Variants in CCDC192 observed in about 807,000 individuals in gnomAD.
The protein encoded by CCDC192 is coiled-coil domain-containing protein 192.
chr5:127,716,286 T>A (rs766627861), intron 2 of CCDC192, among the ~76,000 whole-genome samples: 4 of 152,180 alleles, frequency 2.6e-5, no homozygotes, highest in Non-Finnish European at 5.9e-5. Flanking sequence ...TTGGATTGGA[T>A]TTGCTAGCAT....
intron 5 of CCDC192, among the ~76,000 whole-genome samples, chr5:127,833,013 C>T (rs1394826054): frequency 6.6e-5 from 10 of 152,094 alleles, no homozygotes; most frequent in African/African-American, 9.7e-5. Flanking sequence ...AAAATTTAAT[C>T]GTGGCCACAT....
intron 6 of CCDC192, among the ~76,000 whole-genome samples, chr5:127,938,649 C>T (rs1043718147): frequency 2.6e-5 from 4 of 152,196 alleles, no homozygotes; most frequent in African/African-American, 9.7e-5. Flanking sequence ...ACAATGTATT[C>T]TAAATATTAT....
At chr5:127,765,656 A>G (rs908477265) in intron 3 of CCDC192, among the ~76,000 whole-genome samples, 4 of 152,240 alleles carry the variant, frequency 2.6e-5, no homozygotes, top group African/African-American at 7.2e-5. Context: ...GTTGGAAACC[A>G]CCATTACATA....
At chr5:127,927,108 G>A (rs768221022) in intron 6 of CCDC192, among the ~76,000 whole-genome samples, 3 of 152,064 alleles carry the variant, frequency 2.0e-5, no homozygotes, top group Non-Finnish European at 2.9e-5. Flanking sequence ...ATTGTAATAC[G>A]TTGACATGAG....
At chr5:127,724,381 T>A (rs1752191948) in intron 2 of CCDC192, among the ~76,000 whole-genome samples, 1 of 152,168 alleles carries the variant, frequency 6.6e-6, no homozygotes. Context: ...ATGTTTTTCT[T>A]CCAAATTATA....
intron 6 of CCDC192, among the ~76,000 whole-genome samples, chr5:127,928,127 C>T (rs922209517): frequency 6.6e-6 from 1 of 151,784 alleles, no homozygotes; most frequent in Non-Finnish European, 1.5e-5. Context: ...GGGGTTTTAC[C>T]ATGTTGGCCA....
At chr5:127,899,485 C>T (rs1480332651) in intron 6 of CCDC192, among the ~76,000 whole-genome samples, 1 of 151,280 alleles carries the variant, frequency 6.6e-6, no homozygotes, top group Non-Finnish European at 1.5e-5. Context: ...GCCAGAGGGC[C>T]TGCTCCTGAA....
intron 5 of CCDC192, among the ~76,000 whole-genome samples, chr5:127,858,940 A>G (rs1226452809): frequency 6.6e-6 from 1 of 152,232 alleles, no homozygotes; most frequent in Non-Finnish European, 1.5e-5. Flanking sequence ...GTGCTTATAA[A>G]AAAAAACACT....
intron 3 of CCDC192, among the ~76,000 whole-genome samples, chr5:127,776,157 A>G (rs956317040): frequency 1.3e-5 from 2 of 152,254 alleles, no homozygotes; most frequent in African/African-American, 2.4e-5. Flanking sequence ...AAATGTGAGA[A>G]AGTTTAGAAC....
chr5:127,797,656 T>A (rs1212273691), intron 4 of CCDC192, among the ~76,000 whole-genome samples: 1 of 149,736 alleles, frequency 6.7e-6, no homozygotes, highest in African/African-American at 2.4e-5. Flanking sequence ...AAAATATATA[T>A]CATTATGTAA....
intron 5 of CCDC192, among the ~76,000 whole-genome samples, chr5:127,834,285 T>C (rs1261882219): frequency 6.6e-6 from 1 of 152,240 alleles, no homozygotes; most frequent in Non-Finnish European, 1.5e-5. Flanking sequence ...CCTTTCCCTT[T>C]GTCTCATCAC....
intron 2 of CCDC192, among the ~76,000 whole-genome samples, chr5:127,751,258 G>A (rs12523504): frequency 2.6e-5 from 4 of 152,072 alleles, no homozygotes; most frequent in Admixed American, 2.0e-4. Flanking sequence ...GGTACCAGTT[G>A]TTCCTTTCCA....
chr5:127,890,817 C>G (rs1371285833), intron 6 of CCDC192, among the ~76,000 whole-genome samples: 1 of 152,206 alleles, frequency 6.6e-6, no homozygotes, highest in Non-Finnish European at 1.5e-5. Context: ...TTCCCTGTCT[C>G]CATCATTTGC....
intron 6 of CCDC192, among the ~76,000 whole-genome samples, chr5:127,884,292 G>A (rs976904516): frequency 1.5e-5 from 2 of 129,290 alleles, no homozygotes; most frequent in East Asian, 2.5e-4. Context: ...GCAGTGAGGC[G>A]AGATTGTGCC....
chr5:127,789,986 AT>A (rs1261905550), intron 3 of CCDC192, among the ~76,000 whole-genome samples: 1 of 152,116 alleles, frequency 6.6e-6, no homozygotes, highest in Non-Finnish European at 1.5e-5. Flanking sequence ...TGGGGGAGAG[AT>A]CACCATTCTG....
intron 5 of CCDC192, among the ~76,000 whole-genome samples, chr5:127,840,392 GT>G (rs1304985901): frequency 1.3e-5 from 2 of 152,170 alleles, no homozygotes; most frequent in Non-Finnish European, 2.9e-5. Flanking sequence ...GAGCCCTGTA[GT>G]TGCATGGGTG....
At chr5:127,804,021 G>A (rs892713061) in intron 5 of CCDC192, among the ~76,000 whole-genome samples, 2 of 152,138 alleles carry the variant, frequency 1.3e-5, no homozygotes, top group Non-Finnish European at 2.9e-5. Context: ...AGGAACTCAG[G>A]GCATGGGAGG....
intron 6 of CCDC192, among the ~76,000 whole-genome samples, chr5:127,918,050 ACGT>A (rs1460864706): frequency 6.6e-6 from 1 of 151,994 alleles, no homozygotes; most frequent in Non-Finnish European, 1.5e-5. Flanking sequence ...TGGGAGGATC[ACGT>A]GAGTCCAGGA....
chr5:127,727,164 G>C lies in CCDC192; in HGVS notation c.114+19404G>C, dbSNP rs181293803. On this transcript the variant is annotated intron_variant, in intron 2 of 6. Transcript: ENST00000514853. ...CAAACCATAGCAACCCTACGGAAGA[G>C]GGGCCTGACTGTTAAAAGAAAAACA... 6.6e-5 allele frequency among the ~76,000 whole-genome samples: 10 copies of C among 152,268 alleles called. No homozygotes were observed. The East Asian group carries it at 1.9e-3, about 30-fold the overall frequency.
Sources: allele counts gnomAD v4.1 joint callset (sites outside exome capture counted in the v4.1 genomes callset), GRCh38; gene constraint gnomAD v4.1.1; transcripts MANE v1.5; gene names NCBI Gene and HGNC (gene_info 2026-07-23, HGNC 2026-07-21).